MYO1H: variants seen among roughly 807,000 people sequenced by gnomAD.
The protein encoded by MYO1H is unconventional myosin-Ih.
In MYO1H, 118 loss-of-function variants were observed where a neutral mutation model predicts 149.3. The ratio of observed to expected loss-of-function variants is 0.79; its 90% CI spans 0.68 to 0.92. MYO1H has a LOEUF of 0.92. MYO1H is among the 40% of genes least tolerant of loss of function. The probability of loss-of-function intolerance (pLI) is 0.00; values close to 1 mark genes in which losing one functional copy is unlikely to be tolerated. For missense variants in MYO1H, 1,212 were observed against 1,280.7 expected (o/e 0.95, Z 0.82); for synonymous variants, 447 against 465.2 (o/e 0.96, Z 0.50).
chr12:109,445,615 G>A lies in MYO1H; in HGVS notation c.3093+3G>A, dbSNP rs762400329. 1.7e-5 allele frequency: 27 copies of A among 1,608,686 alleles called. No individual in the cohort carries two copies. The highest frequency in any genetic ancestry group is 2.2e-5 in the Non-Finnish European group (26 of 1,178,650). ...ATAAAAATGGACAATTAACAGTGGT[G>A]AGTGGCCGTCTCTGGGAGGGAAGTA... On this transcript the variant is annotated splice_donor_region_variant and intron_variant, in intron 31 of 31. Transcript: ENST00000310903.
intron 3 of MYO1H, 105 bp downstream of exon 3, chr12:109,393,551 C>CCATCCATCCATCAATCCATT: frequency 1.6e-6 from 1 of 607,986 alleles, no homozygotes; most frequent in Non-Finnish European, 3.0e-6. Flanking sequence ...ATCCATCCAT[C>CCATCCATCCATCAATCCATT]CATCCATCCA....
At chr12:109,365,284 AAT>A (rs752617370) in intron 1 of MYO1H, among the ~76,000 whole-genome samples, 1 of 152,232 alleles carries the variant, frequency 6.6e-6, no homozygotes, top group Non-Finnish European at 1.5e-5. Context: ...TCTTAAAATA[AAT>A]AAATAAACAA....
chr12:109,340,874 T>C, the MYO1H span, among the ~76,000 whole-genome samples: 1 of 151,840 alleles, frequency 6.6e-6, no homozygotes, highest in Non-Finnish European at 1.5e-5. Context: ...AAGGATAAGG[T>C]TGGTAGAGAT....
chr12:109,354,618 TAAAA>T (rs1555247905), intron 1 of MYO1H, among the ~76,000 whole-genome samples: 1 of 119,410 alleles, frequency 8.4e-6, no homozygotes. Context: ...AGACTCTGTC[TAAAA>T]AAAAAAAAAA....
intron 12 of MYO1H, 84 bp downstream of exon 12, chr12:109,410,152 AT>A: frequency 4.4e-6 from 3 of 679,232 alleles, no homozygotes; most frequent in Non-Finnish European, 4.3e-6. Flanking sequence ...TTTTTTTTTT[AT>A]TTTTTTGAGA....
chr12:109,408,342 T>A lies in MYO1H; in HGVS notation c.1155+429T>A, dbSNP rs557400040. Among the ~76,000 whole-genome samples, 1,305 of 151,474 alleles carry A rather than the reference T, an allele frequency of 8.6e-3. 6 individuals are homozygous for A. Among genetic ancestry groups the A allele is most frequent in the Non-Finnish European group, 0.014 (973 of 67,842 alleles). ...GCATACCACCATGCCCTGCTAATTT[T>A]AAAAAAAAATTTTGTAGAGATGAGG... is the stretch of plus-strand genomic sequence containing the variant. On this transcript the variant is annotated intron_variant, in intron 10 of 31. Transcript: ENST00000310903.
upstream of MYO1H, among the ~76,000 whole-genome samples, chr12:109,344,658 G>A (rs997386747): frequency 2.0e-5 from 3 of 152,068 alleles, no homozygotes; most frequent in Non-Finnish European, 4.4e-5. Context: ...GAAATGCAAG[G>A]GACCCAGAAT....
intron 1 of MYO1H, among the ~76,000 whole-genome samples, chr12:109,350,600 T>C (rs1264032371): frequency 6.6e-6 from 1 of 152,200 alleles, no homozygotes; most frequent in African/African-American, 2.4e-5. Context: ...AGTATGTCTT[T>C]ATTAGCAGCG....
At position 109,396,280 on chromosome 12, in the gene MYO1H, T is replaced by A. The variant is rs1461806490; in HGVS notation, c.291-104T>A. 1.9e-5 allele frequency: 17 copies of A among 900,726 alleles called. No individual in the cohort carries two copies. The East Asian group carries it at 2.1e-4, about 11-fold the overall frequency. The allele number at this position is 900,726 out of a possible 1,614,324, so 55.8% of individuals were successfully genotyped here. A position where few individuals can be genotyped will look rare whatever the true frequency, so the allele number is the denominator to read the frequency against. On this transcript the variant is annotated intron_variant, in intron 3 of 31. Coordinates refer to ENST00000310903, the Ensembl canonical transcript of MYO1H. The stretch of plus-strand genomic sequence containing the variant: ...TTGTCCTTGTACCACAGTCTGGATG[T>A]GGCTTCCTGGAGATGGAGCACCTCA...
chr12:109,328,692 C>T, the MYO1H span, among the ~76,000 whole-genome samples: 2 of 144,940 alleles, frequency 1.4e-5, no homozygotes, highest in East Asian at 2.0e-4. Flanking sequence ...CTTCTAATGT[C>T]GTTTTTTCCT....
At chr12:109,337,018 C>T in the MYO1H span, among the ~76,000 whole-genome samples, 27 of 152,276 alleles carry the variant, frequency 1.8e-4, no homozygotes, top group Non-Finnish European at 3.4e-4. Flanking sequence ...GAACCCACTA[C>T]CCCATCCCAA....
intron 21 of MYO1H, among the ~76,000 whole-genome samples, chr12:109,435,315 G>A (rs2135594021): frequency 6.7e-6 from 1 of 148,468 alleles, no homozygotes; most frequent in Admixed American, 6.8e-5. Context: ...GATGCAGGCA[G>A]ATATATAAAC....
intron 1 of MYO1H, among the ~76,000 whole-genome samples, chr12:109,377,852 C>T (rs1271475344): frequency 6.6e-6 from 1 of 152,110 alleles, no homozygotes; most frequent in Admixed American, 6.5e-5. Context: ...TAACTCTCAC[C>T]ACCAGGATAA....
At chr12:109,346,808 A>T (rs1441694939), upstream of MYO1H, among the ~76,000 whole-genome samples, 1 of 152,100 alleles carries the variant, frequency 6.6e-6, no homozygotes, top group Non-Finnish European at 1.5e-5. Context: ...ATGTCTATAA[A>T]ATTATATATT....
intron 30 of MYO1H, 89 bp downstream of exon 30, chr12:109,444,618 G>A (rs1344930729): frequency 1.2e-5 from 12 of 1,026,010 alleles, no homozygotes; most frequent in Non-Finnish European, 1.8e-5. Context: ...TATAATCCCA[G>A]CACTTTGGGA....
chr12:109,396,321 G>A, intron 3 of MYO1H, 63 bp from the exon 4 acceptor site: 1 of 1,366,410 alleles, frequency 7.3e-7, no homozygotes, highest in South Asian at 1.4e-5. Flanking sequence ...CTTCTTTGGT[G>A]GGTGTCAGAG....
chr12:109,386,995 C>CGTGT (rs55675476), intron 1 of MYO1H, among the ~76,000 whole-genome samples: 9,098 of 140,998 alleles, frequency 0.065, 405 homozygotes, highest in Non-Finnish European at 0.091. Context: ...ATCTCAAGTT[C>CGTGT]GTGTGTGTGT....
At chr12:109,377,176 C>G (rs1441231588) in intron 1 of MYO1H, among the ~76,000 whole-genome samples, 1 of 152,158 alleles carries the variant, frequency 6.6e-6, no homozygotes, top group African/African-American at 2.4e-5. Flanking sequence ...CTCTTGCCGT[C>G]TTAGTCCATT....
chr12:109,424,737 T>G lies in MYO1H; in HGVS notation c.1645-11T>G. On this transcript the variant is annotated splice_polypyrimidine_tract_variant and intron_variant, in intron 16 of 31. Transcript: ENST00000310903. ...ACAGCGAACGTGGTACTCATTTCTC[T>G]TCACTTACAGGTGCTGTGCAAGTCC... 1 of 1,611,874 alleles carries G rather than the reference T, an allele frequency of 6.2e-7. No homozygotes were observed.
Sources: gnomAD v4.1 joint callset for allele counts (sites outside exome capture counted in the v4.1 genomes callset) on GRCh38, gnomAD v4.1.1 for gene constraint, MANE v1.5 for transcripts, NCBI Gene and HGNC (gene_info 2026-07-23, HGNC 2026-07-21) for gene names.